SPTBN1: variants seen among roughly 807,000 people sequenced by gnomAD.
SPTBN1 encodes the protein spectrin beta chain, non-erythrocytic 1.
A neutral mutation model predicts 266.4 loss-of-function variants in SPTBN1; 32 were observed. That is an observed-to-expected ratio of 0.12 (90% CI 0.09 to 0.16). The LOEUF (loss-of-function observed/expected upper bound fraction) is 0.16, where lower values mean the gene tolerates loss of function less well. SPTBN1 is among the 10% of genes least tolerant of loss of function. The pLI is 1.00. For synonymous variants in SPTBN1, 1,336 were observed against 1,162.2 expected (o/e 1.15, Z -3.04); for missense variants, 2,296 against 3,067.1 (o/e 0.75, Z 5.94).
rs758722053 is a variant in SPTBN1, at chr2:54,666,099, C to G, written c.6833+11C>G. ...CGTATTCAAGCTAAGGTGAGAGTCG[C>G]CGTGCTTCATGGCTGCCAGAGTGGG... On this transcript the variant is annotated intron_variant, in intron 34 of 35. Coordinates refer to ENST00000356805, the MANE Select transcript of SPTBN1 (RefSeq NM_003128.3). The G allele has an allele frequency of 6.2e-6, 10 of 1,604,602 alleles. No individual in the cohort carries two copies. The Admixed American group carries it at 1.7e-4, about 28-fold the overall frequency.
At chr2:54,660,424 T>C in intron 32 of SPTBN1, 2 of 1,084,602 alleles carry the variant, frequency 1.8e-6, no homozygotes, top group Non-Finnish European at 2.2e-6. Context: ...CATTCAGTTA[T>C]TCTAACAGGG....
intron 29 of SPTBN1, among the ~76,000 whole-genome samples, chr2:54,656,791 CAGG>C (rs1423157764): frequency 9.8e-5 from 15 of 152,318 alleles, no homozygotes; most frequent in Admixed American, 7.8e-4. Context: ...CCATTCTTTG[CAGG>C]AGGATTTGGT....
chr2:54,566,435 C>A (rs12476489), intron 2 of SPTBN1, among the ~76,000 whole-genome samples: 106 of 151,870 alleles, frequency 7.0e-4, no homozygotes, highest in African/African-American at 2.5e-3. Context: ...TGATCCACCC[C>A]CCTTGGCCTC....
At chr2:54,514,017 C>T (rs1228307171) in intron 1 of SPTBN1, among the ~76,000 whole-genome samples, 2 of 152,094 alleles carry the variant, frequency 1.3e-5, no homozygotes, top group Non-Finnish European at 2.9e-5. Flanking sequence ...AGAAGAAGTA[C>T]TTTAAAATTT....
chr2:54,568,370 A>AAAAAAAAAAAAAAAAAAAG (rs1673817460), intron 2 of SPTBN1, among the ~76,000 whole-genome samples: 1 of 136,336 alleles, frequency 7.3e-6, no homozygotes, highest in African/African-American at 2.5e-5. Flanking sequence ...AAAAAAAAAA[A>AAAAAAAAAAAAAAAAAAAG]AAGAAGAAGA....
At chr2:54,539,196 G>T (rs1012901817) in intron 2 of SPTBN1, among the ~76,000 whole-genome samples, 1 of 152,126 alleles carries the variant, frequency 6.6e-6, no homozygotes, top group African/African-American at 2.4e-5. Context: ...TTCCCTACAA[G>T]CACCTCACCT....
At chr2:54,621,374 T>A in intron 7 of SPTBN1, 26 bp from the exon 8 acceptor site, 2 of 1,589,068 alleles carry the variant, frequency 1.3e-6, no homozygotes, top group Non-Finnish European at 1.7e-6. Flanking sequence ...TGCAACACAC[T>A]GAACAGAGTC....
intron 1 of SPTBN1, among the ~76,000 whole-genome samples, chr2:54,510,166 C>T (rs1669781339): frequency 6.6e-6 from 1 of 151,972 alleles, no homozygotes; most frequent in Non-Finnish European, 1.5e-5. Context: ...ACCATGTTGG[C>T]CAGGCTGGTC....
chr2:54,524,023 A>G (rs938739181), intron 1 of SPTBN1, among the ~76,000 whole-genome samples: 1 of 151,900 alleles, frequency 6.6e-6, no homozygotes, highest in Non-Finnish European at 1.5e-5. Context: ...ATATAGTGAA[A>G]CCCCGTCTCT....
At position 54,558,564 on chromosome 2, in the gene SPTBN1, G is replaced by T. The variant is rs1231913434; in HGVS notation, c.148+31998G>T. 3 of 1,328,200 alleles carry T rather than the reference G, an allele frequency of 2.3e-6. No individual in the cohort carries two copies. The East Asian group carries it at 9.3e-5, about 41-fold the overall frequency. The allele number at this position is 1,328,200 out of a possible 1,614,324, so 82.3% of individuals were successfully genotyped here. A position where few individuals can be genotyped will look rare whatever the true frequency, so the allele number is the denominator to read the frequency against. ...AGGGCCACGGAAGAAGGGAAAGCAA[G>T]AAATTAGATGCCTGTGTGGTAACTC... On this transcript the variant is annotated intron_variant, in intron 2 of 35. Coordinates refer to ENST00000356805, the MANE Select transcript of SPTBN1 (RefSeq NM_003128.3). The surrounding 1 kb of genome is among the most constrained non-coding windows in gnomAD (Gnocchi z 4.6).
intron 2 of SPTBN1, chr2:54,529,774 T>G: frequency 1.6e-6 from 1 of 642,916 alleles, no homozygotes; most frequent in Non-Finnish European, 2.9e-6. Context: ...TTATGATGCT[T>G]TGGATGTTGC....
intron 28 of SPTBN1, 56 bp from the exon 29 acceptor site, chr2:54,655,858 C>A: frequency 7.3e-7 from 1 of 1,370,478 alleles, no homozygotes; most frequent in Admixed American, 1.7e-5. Context: ...ATGACCCCAT[C>A]AAGAGGATGT....
chr2:54,655,035 A>G (rs776555879), intron 27 of SPTBN1, 35 bp from the exon 28 acceptor site: 3 of 1,577,378 alleles, frequency 1.9e-6, no homozygotes, highest in Non-Finnish European at 2.6e-6. Context: ...GAAAAGCTTG[A>G]TCTCCTAACG....
intron 19 of SPTBN1, 135 bp downstream of exon 19, chr2:54,643,264 T>A: frequency 7.6e-7 from 1 of 1,317,436 alleles, no homozygotes; most frequent in Non-Finnish European, 1.0e-6. Context: ...CAGTAATAGC[T>A]CCCTTTGCAC....
intron 2 of SPTBN1, among the ~76,000 whole-genome samples, chr2:54,566,122 C>T (rs1673639115): frequency 6.6e-6 from 1 of 151,542 alleles, no homozygotes; most frequent in Non-Finnish European, 1.5e-5. Flanking sequence ...TGAAACCCAG[C>T]TATGAAAAAC....
chr2:54,494,370 A>G (rs1342301270), intron 1 of SPTBN1, among the ~76,000 whole-genome samples: 1 of 152,164 alleles, frequency 6.6e-6, no homozygotes, highest in African/African-American at 2.4e-5. Context: ...CCAGACATTC[A>G]ATTCCGAGGT....
At chr2:54,488,509 TCTTG>T (rs1455228765) in intron 1 of SPTBN1, among the ~76,000 whole-genome samples, 1 of 152,214 alleles carries the variant, frequency 6.6e-6, no homozygotes, top group Non-Finnish European at 1.5e-5. Context: ...GAGTGCTATT[TCTTG>T]CTTCATTATA....
In SPTBN1 at chr2:54,632,745, G is replaced by A. The variant is rs778204573; in HGVS notation, c.3744G>A (p.Glu1248=). The A allele has an allele frequency of 1.2e-6, 2 of 1,614,226 alleles. No individual in the cohort carries two copies. The highest frequency in any genetic ancestry group is 1.1e-5 in the South Asian group (1 of 91,090). The change falls in exon 17 of 36, where the codon GAG becomes GAA. Residue 1248 remains glutamate (E), a synonymous_variant. Transcript: ENST00000356805. ...DGNINSDRIQ[E]KVDSIDDRHR... ...ACATCAACTCAGATCGCATCCAGGA[G>A]AAGGTGGACTCTATTGATGACAGGT...
At chr2:54,616,339 G>T in intron 5 of SPTBN1, 41 bp downstream of exon 5, 2 of 1,566,854 alleles carry the variant, frequency 1.3e-6, no homozygotes, top group Non-Finnish European at 1.8e-6. Context: ...GCTTCTTCCA[G>T]GACTGAATTC....
Sources: allele counts gnomAD v4.1 joint callset (sites outside exome capture counted in the v4.1 genomes callset), GRCh38; gene constraint gnomAD v4.1.1; non-coding constraint Gnocchi (gnomAD v3.1); transcripts MANE v1.5; gene names NCBI Gene and HGNC (gene_info 2026-07-23, HGNC 2026-07-21).